ZNF140: variants seen among roughly 807,000 people sequenced by gnomAD.
ZNF140 encodes zinc finger protein 140 (clone pHZ-39).
In ZNF140, 13 loss-of-function variants were observed where a neutral mutation model predicts 12.9. That is an observed-to-expected ratio of 1.01 (90% CI 0.66 to 1.60). The LOEUF (loss-of-function observed/expected upper bound fraction) is 1.60. Among genes scored for constraint, ZNF140 ranks in the 40% most tolerant of loss-of-function variants. The pLI is 0.00. For synonymous variants in ZNF140, 214 were observed against 186.7 expected (o/e 1.15, Z -1.19); for missense variants, 531 against 548.8 (o/e 0.97, Z 0.32).
At chr12:133,097,842 T>C (rs1955188497) in intron 4 of ZNF140, among the ~76,000 whole-genome samples, 1 of 151,586 alleles carries the variant, frequency 6.6e-6, no homozygotes, top group Admixed American at 6.6e-5. Flanking sequence ...TGTGTGTGTG[T>C]GTGTGTGTTT....
chr12:133,101,499 C>T (rs1955347166), intron 4 of ZNF140, among the ~76,000 whole-genome samples: 1 of 152,168 alleles, frequency 6.6e-6, no homozygotes, highest in Non-Finnish European at 1.5e-5. Flanking sequence ...GGCTGGAGTG[C>T]AGTGGCGCGA....
At position 133,081,348 on chromosome 12, in the gene ZNF140, A is replaced by AATATACAT; in HGVS notation, c.9+24_9+25insCATATATA. The stretch of plus-strand genomic sequence containing the variant: ...GTCTCAGGTAAGCTAATGATTGATA[A>AATATACAT]ATATATATATATATATATATATAAA... On this transcript the variant is annotated intron_variant, in intron 2 of 4. Transcript: ENST00000355557. 1 of 317,000 alleles carries AATATACAT rather than the reference A, an allele frequency of 3.2e-6. No homozygotes were observed. The highest frequency in any genetic ancestry group is 5.8e-6 in the Non-Finnish European group (1 of 171,710). The allele number at this position is 317,000 out of a possible 1,614,324, so 19.6% of individuals were successfully genotyped here.
At chr12:133,099,529 T>C (rs1017143469) in intron 4 of ZNF140, among the ~76,000 whole-genome samples, 2 of 152,104 alleles carry the variant, frequency 1.3e-5, no homozygotes, top group Non-Finnish European at 2.9e-5. Context: ...TAATTAAGAA[T>C]AAGAAAACTA....
In ZNF140 at chr12:133,106,120, AT is replaced by A. The variant is rs1419994878; in HGVS notation, c.846del (p.Phe282LeufsTer209). On this transcript the variant is annotated frameshift_variant, in exon 5 of 5. Transcript: ENST00000355557. LOFTEE classifies it low-confidence loss of function (END_TRUNC). ...ATATATGTAGGAAATGTGGTAAAGCATTTAGCAGTGGCTCAGAACTCATTCG... is the reference window on the plus strand; with the variant it reads ...ATATATGTAGGAAATGTGGTAAAGCATTAGCAGTGGCTCAGAACTCATTCG... ...QYICRKCGKA[F>X]SSGSELIRHQ... 1 of 1,614,174 alleles carries A rather than the reference AT, an allele frequency of 6.2e-7. No individual in the cohort carries two copies. The highest frequency in any genetic ancestry group is 1.1e-5 in the South Asian group (1 of 91,088).
intron 4 of ZNF140, among the ~76,000 whole-genome samples, chr12:133,104,417 T>C (rs1350673900): frequency 2.0e-5 from 3 of 150,912 alleles, no homozygotes; most frequent in African/African-American, 7.3e-5. Flanking sequence ...AGTGGCGCAA[T>C]CTCGGTTCAC....
At chr12:133,101,011 A>G (rs1285017358) in intron 4 of ZNF140, 2 of 454,778 alleles carry the variant, frequency 4.4e-6, no homozygotes, top group African/African-American at 2.0e-5. Context: ...GAAAAACTAC[A>G]GAGGAGAGGA....
At chr12:133,085,686 A>G (rs1486092012) in intron 4 of ZNF140, among the ~76,000 whole-genome samples, 4 of 152,228 alleles carry the variant, frequency 2.6e-5, no homozygotes, top group Non-Finnish European at 5.9e-5. Context: ...AGAAAGATTT[A>G]TAATGTATTT....
chr12:133,095,802 A>G (rs2455443), intron 4 of ZNF140, among the ~76,000 whole-genome samples: 44,614 of 142,930 alleles, frequency 0.31, 4,508 homozygotes, highest in African/African-American at 0.4. Flanking sequence ...CGTAATCCAG[A>G]TTTATGTTTC....
rs1955589961 is a variant in ZNF140 at position 133,106,256 on chromosome 12, A to G, written c.979A>G (p.Thr327Ala). 6.2e-7 allele frequency: 1 copy of G among 1,613,990 alleles called. No individual in the cohort carries two copies. The highest frequency in any genetic ancestry group is 1.3e-5 in the African/African-American group (1 of 74,966). Reference sequence around the variant, plus strand: ...ACATCAGAGCATCCATACAACCAAAACCCCGTATGAATGTAATGAATGTAG... The same window carrying G: ...ACATCAGAGCATCCATACAACCAAAGCCCCGTATGAATGTAATGAATGTAG... ...TRHQSIHTTK[T>A]PYECNECRKA... Residue 327 changes from threonine (T) to alanine (A), a missense_variant, in exon 5 of 5, where the codon ACC becomes GCC. Physicochemically the swap from Thr to Ala is moderately conservative, Grantham distance 58. Transcript: ENST00000355557.
chr12:133,103,297 T>C (rs1955428717), intron 4 of ZNF140, among the ~76,000 whole-genome samples: 1 of 152,196 alleles, frequency 6.6e-6, no homozygotes, highest in Non-Finnish European at 1.5e-5. Flanking sequence ...ACATCTTACC[T>C]GTCCAACACC....
chr12:133,085,528 T>A (rs1954646163), intron 4 of ZNF140, among the ~76,000 whole-genome samples: 1 of 152,196 alleles, frequency 6.6e-6, no homozygotes. Context: ...TTGAGAGCCT[T>A]CTGTGTGCTC....
chr12:133,088,178 A>C (rs1954741369), intron 4 of ZNF140, among the ~76,000 whole-genome samples: 1 of 151,934 alleles, frequency 6.6e-6, no homozygotes, highest in Non-Finnish European at 1.5e-5. Context: ...GGAAGGAAGG[A>C]AGGCTCTAAA....
intron 4 of ZNF140, among the ~76,000 whole-genome samples, chr12:133,099,843 C>A (rs1955270641): frequency 1.3e-5 from 2 of 151,998 alleles, no homozygotes; most frequent in Admixed American, 1.3e-4. Flanking sequence ...GCAACAAATT[C>A]CTTAAAAAAA....
intron 4 of ZNF140, among the ~76,000 whole-genome samples, chr12:133,095,899 GCTA>G (rs1955088197): frequency 6.7e-6 from 1 of 148,226 alleles, no homozygotes; most frequent in East Asian, 2.0e-4. Context: ...GGGCGGTTTT[GCTA>G]CTATCTCAGA....
At position 133,088,770 on chromosome 12, in the gene ZNF140, G is replaced by T. The variant is rs916704042; in HGVS notation, c.232+5209G>T. On this transcript the variant is annotated intron_variant, in intron 4 of 4. Coordinates refer to ENST00000355557, the MANE Select transcript of ZNF140 (RefSeq NM_003440.4). ...TGATTTTATTTTTTTATCACGATTG[G>T]TTGTTGGATTTTGCTAATGCTTTTA... 3.9e-4 allele frequency among the ~76,000 whole-genome samples: 60 copies of T among 152,116 alleles called. 1 individual carries two copies. The highest frequency in any genetic ancestry group is 7.6e-4 in the Non-Finnish European group (52 of 68,020).
At chr12:133,094,846 T>C (rs1955012711) in intron 4 of ZNF140, among the ~76,000 whole-genome samples, 2 of 151,332 alleles carry the variant, frequency 1.3e-5, no homozygotes, top group African/African-American at 2.4e-5. Context: ...TTCTGGACTT[T>C]TTCCTTTTAA....
At chr12:133,093,301 A>T in intron 4 of ZNF140, 1 of 614,210 alleles carries the variant, frequency 1.6e-6, no homozygotes, top group South Asian at 1.8e-5. Flanking sequence ...CCCAGTAAGT[A>T]TAGTTAGTTG....
At chr12:133,086,030 A>G (rs1954665829) in intron 4 of ZNF140, among the ~76,000 whole-genome samples, 2 of 152,218 alleles carry the variant, frequency 1.3e-5, no homozygotes, top group African/African-American at 2.4e-5. Flanking sequence ...TTAAAAGTTA[A>G]AAGAATTTTT....
intron 4 of ZNF140, among the ~76,000 whole-genome samples, chr12:133,091,370 A>G: frequency 6.6e-6 from 1 of 151,272 alleles, no homozygotes; most frequent in Admixed American, 6.6e-5. Flanking sequence ...ATTTTATACA[A>G]CACATGTTTT....
Sources: allele counts gnomAD v4.1 joint callset (sites outside exome capture counted in the v4.1 genomes callset), GRCh38; gene constraint gnomAD v4.1.1; transcripts MANE v1.5; gene names NCBI Gene and HGNC (gene_info 2026-07-23, HGNC 2026-07-21).